Variants in CNTN1 observed in about 807,000 individuals in gnomAD.
CNTN1 encodes contactin-1.
A neutral mutation model predicts 126.4 loss-of-function variants in CNTN1; 38 were observed. The ratio of observed to expected loss-of-function variants is 0.30; its 90% CI spans 0.23 to 0.39. CNTN1 has a LOEUF of 0.39. Ranked by LOEUF, CNTN1 falls within the 10% of genes least tolerant of loss-of-function variation. CNTN1 has a pLI of 1.00. For missense variants in CNTN1, 1,009 were observed against 1,248.4 expected (o/e 0.81, Z 2.89); for synonymous variants, 413 against 422.6 (o/e 0.98, Z 0.28).
chr12:41,056,116 A>G (rs539606258), intron 23 of CNTN1, among the ~76,000 whole-genome samples: 3 of 152,240 alleles, frequency 2.0e-5, no homozygotes, highest in South Asian at 4.1e-4. Flanking sequence ...GCCTGCAGAG[A>G]CCACAGACAA....
In CNTN1 at chr12:40,950,673, C is replaced by G. The variant is rs553432467; in HGVS notation, c.1683+6503C>G. Among the ~76,000 whole-genome samples, 4 of 152,166 alleles carry G rather than the reference C, an allele frequency of 2.6e-5. No homozygotes were observed. The South Asian group carries it at 8.3e-4, about 32-fold the overall frequency. On this transcript the variant is annotated intron_variant, in intron 14 of 23. Transcript: ENST00000551295. ...TGTATGAATATATAACTTTTCTGAT[C>G]CCCTTTTTACTACCTTAATAAACCT...
intron 22 of CNTN1, 73 bp downstream of exon 22, chr12:41,028,042 C>CT (rs1566173632): frequency 6.2e-6 from 7 of 1,125,428 alleles, no homozygotes; most frequent in East Asian, 4.8e-5. Flanking sequence ...GGTTTCTTTT[C>CT]TTTTTTTGAG....
At chr12:40,935,221 T>TA in intron 9 of CNTN1, among the ~76,000 whole-genome samples, 1 of 152,196 alleles carries the variant, frequency 6.6e-6, no homozygotes, top group East Asian at 1.9e-4. Context: ...AATGGCCTCC[T>TA]AAAAGGAAGA....
At chr12:41,014,179 A>C in intron 17 of CNTN1, 49 bp from the exon 18 acceptor site, 23 of 1,529,494 alleles carry the variant, frequency 1.5e-5, no homozygotes, top group Non-Finnish European at 2.0e-5. Flanking sequence ...AAAAAAATGC[A>C]GGCCCTCTTT....
At chr12:41,040,022 C>T (rs1212638486) in intron 23 of CNTN1, among the ~76,000 whole-genome samples, 5 of 152,026 alleles carry the variant, frequency 3.3e-5, no homozygotes, top group Non-Finnish European at 7.4e-5. Context: ...CTTGAGAGGC[C>T]TCAGCTTCAT....
At chr12:41,023,218 A>C (rs917007447) in intron 20 of CNTN1, among the ~76,000 whole-genome samples, 4 of 152,182 alleles carry the variant, frequency 2.6e-5, no homozygotes, top group African/African-American at 9.7e-5. Context: ...CACATTGAAA[A>C]CATAAAATAT....
intron 1 of CNTN1, among the ~76,000 whole-genome samples, chr12:40,832,839 T>C (rs528217242): frequency 6.6e-6 from 1 of 152,166 alleles, no homozygotes; most frequent in African/African-American, 2.4e-5. Flanking sequence ...TGGGCCACTA[T>C]CCACTTGGCT....
intron 16 of CNTN1, among the ~76,000 whole-genome samples, chr12:40,991,404 C>G (rs145332614): frequency 1.3e-5 from 2 of 148,696 alleles, no homozygotes; most frequent in African/African-American, 4.9e-5. Context: ...TTTTTTTTTT[C>G]CATATAAGAT....
At chr12:40,881,390 T>C (rs1382112898) in intron 1 of CNTN1, among the ~76,000 whole-genome samples, 4 of 151,804 alleles carry the variant, frequency 2.6e-5, no homozygotes, top group Non-Finnish European at 5.9e-5. Context: ...TAGAGCTTGG[T>C]GATTGTCTAT....
At chr12:40,814,628 G>A (rs542389291) in intron 1 of CNTN1, among the ~76,000 whole-genome samples, 29 of 152,170 alleles carry the variant, frequency 1.9e-4, no homozygotes, top group African/African-American at 5.3e-4. Context: ...GTCAGGTAGC[G>A]TGATGCCTTC....
rs748880794 is a variant in CNTN1, at chr12:40,908,473, C to A, written c.41C>A (p.Ser14Tyr). The A allele has an allele frequency of 5.0e-6, 8 of 1,609,702 alleles. No homozygotes were observed. Among genetic ancestry groups the A allele is most frequent in the Non-Finnish European group, 6.8e-6 (8 of 1,176,762 alleles). Reference sequence around the variant, plus strand: ...CTGGTCAGTCATCTTGTGATAATATCTATTACTACCTGTTTAGCAGGTAAG... The same window carrying A: ...CTGGTCAGTCATCTTGTGATAATATATATTACTACCTGTTTAGCAGGTAAG... ...WLLVSHLVII[S>Y]ITTCLAEFTW... Residue 14 changes from serine to tyrosine, a missense_variant, in exon 2 of 24, where the codon TCT becomes TAT. Coordinates refer to ENST00000551295, the MANE Select transcript of CNTN1 (RefSeq NM_001843.4).
At chr12:40,845,565 A>G (rs1028381646) in intron 1 of CNTN1, among the ~76,000 whole-genome samples, 1 of 151,120 alleles carries the variant, frequency 6.6e-6, no homozygotes, top group African/African-American at 2.4e-5. Context: ...GATGGTGTTG[A>G]ATAAAGCTCC....
chr12:41,066,822 A>G (rs1334927997), intron 23 of CNTN1, among the ~76,000 whole-genome samples: 1 of 151,994 alleles, frequency 6.6e-6, no homozygotes, highest in East Asian at 1.9e-4. Context: ...TGAAGGAAGT[A>G]TGAAATCAAA....
chr12:40,897,698 G>A (rs893366125), intron 1 of CNTN1, among the ~76,000 whole-genome samples: 9 of 152,070 alleles, frequency 5.9e-5, no homozygotes, highest in African/African-American at 2.2e-4. Context: ...GCCCAAGACC[G>A]TGTTGTGGAT....
chr12:40,844,085 T>TTTTTTTTTTTTTTTTTTTTTTTTTTTTTA (rs1942402633), intron 1 of CNTN1, among the ~76,000 whole-genome samples: 3 of 144,914 alleles, frequency 2.1e-5, no homozygotes, highest in Non-Finnish European at 3.0e-5. Flanking sequence ...TTTTTTTTTT[T>TTTTTTTTTTTTTTTTTTTTTTTTTTTTTA]GAGACGGAGT....
At position 40,699,096 on chromosome 12, in the gene CNTN1, C is replaced by T. The variant is rs546278739; in HGVS notation, c.-77+6504C>T. The stretch of plus-strand genomic sequence containing the variant: ...TTTTGACTCCCTGTGGATATCCCTG[C>T]CGTGTCACTTACCATACTATATTGT... On this transcript the variant is annotated intron_variant, in intron 1 of 23. Coordinates refer to ENST00000551295, the MANE Select transcript of CNTN1 (RefSeq NM_001843.4). Among the ~76,000 whole-genome samples the T allele has an allele frequency of 9.4e-4, 129 of 137,238 alleles. 1 individual carries two copies. The highest frequency in any genetic ancestry group is 1.3e-3 in the East Asian group (6 of 4,472). 90.0% of individuals were successfully genotyped at this position (137,238 alleles called of 152,430 possible). A position where few individuals can be genotyped will look rare whatever the true frequency, so the allele number is the denominator to read the frequency against.
chr12:41,012,053 G>A (rs1468210938), intron 17 of CNTN1, among the ~76,000 whole-genome samples: 2 of 152,140 alleles, frequency 1.3e-5, no homozygotes, highest in Non-Finnish European at 2.9e-5. Flanking sequence ...GCGTAAAAAG[G>A]GGAGAGAATT....
intron 1 of CNTN1, among the ~76,000 whole-genome samples, chr12:40,710,905 C>A (rs1941896566): frequency 6.6e-6 from 1 of 152,150 alleles, no homozygotes; most frequent in Non-Finnish European, 1.5e-5. Context: ...GTAACTCACA[C>A]ATAAGCTAGT....
At chr12:40,982,939 T>C (rs1486679681) in intron 16 of CNTN1, among the ~76,000 whole-genome samples, 1 of 93,430 alleles carries the variant, frequency 1.1e-5, no homozygotes, top group Non-Finnish European at 2.1e-5. Flanking sequence ...CCGGGGCCTG[T>C]CTTGGGGTGG....
Sources: allele counts gnomAD v4.1 joint callset (sites outside exome capture counted in the v4.1 genomes callset), GRCh38; gene constraint gnomAD v4.1.1; transcripts MANE v1.5; gene names NCBI Gene and HGNC (gene_info 2026-07-23, HGNC 2026-07-21).